Variants in SGPL1 observed in about 807,000 individuals in gnomAD.
SGPL1 encodes the protein SP-lyase 1.
SGPL1 carries 37 observed loss-of-function variants against 68.9 expected under a neutral mutation model. That is an observed-to-expected ratio of 0.54 (90% CI 0.41 to 0.71). SGPL1 has a LOEUF of 0.71. Among genes scored for constraint, SGPL1 ranks in the 30% least tolerant of loss-of-function variants. SGPL1 has a pLI of 0.00. For synonymous variants in SGPL1, 236 were observed against 248.5 expected, an observed-to-expected ratio of 0.95 and a Z score of 0.47; for missense variants, 551 against 704.6, an observed-to-expected ratio of 0.78 and a Z score of 2.47.
chr10:70,846,977 C>T (rs1433778701), intron 3 of SGPL1, among the ~76,000 whole-genome samples: 2 of 152,094 alleles, frequency 1.3e-5, no homozygotes, highest in Non-Finnish European at 2.9e-5. Context: ...AGTAGAGACA[C>T]AGCCATCTTA....
chr10:70,848,548 T>C (rs1845828168), intron 3 of SGPL1, among the ~76,000 whole-genome samples: 1 of 128,932 alleles, frequency 7.8e-6, no homozygotes, highest in South Asian at 2.7e-4. Context: ...CACTGCAACC[T>C]CCGCCTCCTG....
chr10:70,818,934 C>G (rs1308739134), intron 2 of SGPL1, among the ~76,000 whole-genome samples: 1 of 152,172 alleles, frequency 6.6e-6, no homozygotes, highest in Non-Finnish European at 1.5e-5. Context: ...GCCTCTACCC[C>G]GTGCAGTAAT....
At chr10:70,818,223 C>G (rs535476847) in intron 2 of SGPL1, among the ~76,000 whole-genome samples, 2 of 152,232 alleles carry the variant, frequency 1.3e-5, no homozygotes, top group South Asian at 2.1e-4. Flanking sequence ...CGGGTTCAAG[C>G]GATTCTCCTG....
At chr10:70,833,198 C>T (rs1051601192) in intron 2 of SGPL1, among the ~76,000 whole-genome samples, 2 of 152,146 alleles carry the variant, frequency 1.3e-5, no homozygotes, top group Non-Finnish European at 2.9e-5. Flanking sequence ...CCTGAATACT[C>T]CCATGCTAAG....
intron 2 of SGPL1, among the ~76,000 whole-genome samples, chr10:70,821,323 T>C (rs1589445810): frequency 6.6e-6 from 1 of 152,352 alleles, no homozygotes; most frequent in East Asian, 1.9e-4. Flanking sequence ...GGTATCACTT[T>C]GCAAGTTGCC....
At chr10:70,857,759 T>G in intron 6 of SGPL1, 69 bp downstream of exon 6, 1 of 1,021,502 alleles carries the variant, frequency 9.8e-7, no homozygotes, top group South Asian at 1.6e-5. Flanking sequence ...TTTTTTTCCC[T>G]TACTTTTGTA....
intron 2 of SGPL1, among the ~76,000 whole-genome samples, chr10:70,839,472 C>G (rs774798955): frequency 3.9e-5 from 6 of 152,074 alleles, no homozygotes; most frequent in Admixed American, 1.3e-4. Context: ...CCCCTGTCCC[C>G]CTTCCCTGCC....
At position 70,871,980 on chromosome 10, in the gene SGPL1, C is replaced by T; in HGVS notation, c.1053C>T (p.Thr351=). The part of the protein sequence containing the change: ...VKGVTSISAD[T]HKYGYAPKGS... ...GTGTAACCAGCATTTCAGCTGACAC[C>T]CATAAGGTGAGCTAAGGAGGAGATC... is the stretch of plus-strand genomic sequence containing the variant. Residue 351 remains threonine (T), a synonymous_variant, in exon 11 of 15, where the codon ACC becomes ACT. Transcript: ENST00000373202. 1.9e-6 allele frequency: 3 copies of T among 1,613,842 alleles called. No homozygotes were observed. The highest frequency in any genetic ancestry group is 2.5e-6 in the Non-Finnish European group (3 of 1,179,926).
chr10:70,835,598 T>C (rs1845613962), intron 2 of SGPL1, among the ~76,000 whole-genome samples: 1 of 150,508 alleles, frequency 6.6e-6, no homozygotes, highest in Non-Finnish European at 1.5e-5. Flanking sequence ...TAGCTGGGAG[T>C]GGTGGCGGGT....
At chr10:70,830,470 T>A (rs1219397995) in intron 2 of SGPL1, among the ~76,000 whole-genome samples, 1 of 152,188 alleles carries the variant, frequency 6.6e-6, no homozygotes, top group African/African-American at 2.4e-5. Context: ...GGTTTCAAGG[T>A]TCATCCATGT....
intron 7 of SGPL1, among the ~76,000 whole-genome samples, chr10:70,862,768 G>A (rs1338536655): frequency 6.6e-6 from 1 of 152,040 alleles, no homozygotes; most frequent in Admixed American, 6.5e-5. Flanking sequence ...GCACCAGAAG[G>A]AAGAAATTCC....
At chr10:70,843,037 GCT>G (rs1334310129) in intron 2 of SGPL1, among the ~76,000 whole-genome samples, 2 of 152,214 alleles carry the variant, frequency 1.3e-5, no homozygotes, top group Non-Finnish European at 2.9e-5. Flanking sequence ...TGCATTTGCA[GCT>G]ACTATCCTCT....
At position 70,876,544 on chromosome 10, in the gene SGPL1, T is replaced by A. The variant is rs1362727787; in HGVS notation, c.1449T>A (p.Ile483=). 3 of 1,610,414 alleles carry A rather than the reference T, an allele frequency of 1.9e-6. No homozygotes were observed. The African/African-American group carries it at 4.0e-5, about 22-fold the overall frequency. Residue 483 remains isoleucine, a synonymous_variant, in exon 14 of 15, where the codon ATT becomes ATA. Coordinates refer to ENST00000373202, the MANE Select transcript of SGPL1 (RefSeq NM_003901.4). ...CTCTCTGTCTCTTCTTTCCTAGTATTCATTTCTGCATCACATTACTACACG... is the reference window on the plus strand; with the variant it reads ...CTCTCTGTCTCTTCTTTCCTAGTATACATTTCTGCATCACATTACTACACG... ...NLNQLQFPPS[I]HFCITLLHAR...
At chr10:70,872,560 C>A (rs990400111) in intron 11 of SGPL1, among the ~76,000 whole-genome samples, 1 of 152,178 alleles carries the variant, frequency 6.6e-6, no homozygotes, top group Admixed American at 6.5e-5. Context: ...AATATACATC[C>A]AGATGTGGAA....
intron 7 of SGPL1, among the ~76,000 whole-genome samples, chr10:70,861,430 T>C (rs1010785198): frequency 6.6e-6 from 1 of 152,126 alleles, no homozygotes; most frequent in African/African-American, 2.4e-5. Flanking sequence ...TGGCTGTAAA[T>C]TGAAAATTGC....
At chr10:70,848,451 G>A (rs150063725) in intron 3 of SGPL1, among the ~76,000 whole-genome samples, 10 of 119,490 alleles carry the variant, frequency 8.4e-5, no homozygotes, top group East Asian at 4.9e-4. Flanking sequence ...ATTACCTCAC[G>A]TACTTTTTTT....
chr10:70,848,624 C>T (rs1041920851), intron 3 of SGPL1, among the ~76,000 whole-genome samples: 1 of 151,438 alleles, frequency 6.6e-6, no homozygotes, highest in African/African-American at 2.4e-5. Context: ...GCCATCACGC[C>T]CAGCTAATTT....
At chr10:70,854,356 G>A (rs1208425853) in intron 4 of SGPL1, among the ~76,000 whole-genome samples, 1 of 151,948 alleles carries the variant, frequency 6.6e-6, no homozygotes, top group Non-Finnish European at 1.5e-5. Flanking sequence ...TGTATTTTTA[G>A]TAGAGATGGG....
chr10:70,831,309 G>T (rs556316097), intron 2 of SGPL1, among the ~76,000 whole-genome samples: 6 of 152,160 alleles, frequency 3.9e-5, no homozygotes, highest in African/African-American at 9.6e-5. Flanking sequence ...GACATCACTG[G>T]GTGTCGCCTA....
Sources: allele counts gnomAD v4.1 joint callset (sites outside exome capture counted in the v4.1 genomes callset), GRCh38; gene constraint gnomAD v4.1.1; transcripts MANE v1.5; gene names NCBI Gene and HGNC (gene_info 2026-07-23, HGNC 2026-07-21).